NOL4L: variants seen among roughly 807,000 people sequenced by gnomAD.
NOL4L encodes nucleolar protein 4-like.
A neutral mutation model predicts 64.5 loss-of-function variants in NOL4L; 7 were observed. That is an observed-to-expected ratio of 0.11 (90% CI 0.06 to 0.20). The LOEUF is 0.20. Ranked by LOEUF, NOL4L falls within the 10% of genes least tolerant of loss-of-function variation. The probability of loss-of-function intolerance (pLI) is 1.00; values close to 1 mark genes in which losing one functional copy is unlikely to be tolerated. For synonymous variants in NOL4L, 413 were observed against 401.0 expected (o/e 1.03, Z -0.36); for missense variants, 680 against 967.1 (o/e 0.70, Z 3.94).
intron 5 of NOL4L, among the ~76,000 whole-genome samples, chr20:32,472,072 C>A (rs755357893): frequency 1.3e-5 from 2 of 152,160 alleles, no homozygotes; most frequent in South Asian, 2.1e-4. Context: ...ACACTCCCGG[C>A]GAAAAGAAAA....
At chr20:32,475,503 G>A (rs1029093001) in intron 4 of NOL4L, among the ~76,000 whole-genome samples, 10 of 152,334 alleles carry the variant, frequency 6.6e-5, no homozygotes, top group African/African-American at 1.9e-4. Flanking sequence ...CCTCGCTGCC[G>A]GCTTCGGGCC....
At chr20:32,483,730 G>T in intron 4 of NOL4L, 1 of 133,722 alleles carries the variant, frequency 7.5e-6, no homozygotes. Context: ...AGGTGGCGGA[G>T]GGGCGGGTGA....
rs2018512274 is a variant in NOL4L at position 32,536,077 on chromosome 20, AG to A, written c.322-8165del. 4 of 985,546 alleles carry A rather than the reference AG, an allele frequency of 4.1e-6. No homozygotes were observed. The South Asian group carries it at 1.9e-4, about 46-fold the overall frequency. The allele number at this position is 985,546 out of a possible 1,614,324, so 61.1% of individuals were successfully genotyped here. ...TTCCCCCTGTGTGAGCAGACACCAT[AG>A]GCATAATGGCTTTCGCCACCTCATA... On this transcript the variant is annotated intron_variant, in intron 1 of 10. Transcript: ENST00000621426.
chr20:32,538,999 A>G, intron 1 of NOL4L, among the ~76,000 whole-genome samples: 1 of 124,594 alleles, frequency 8.0e-6, no homozygotes. Flanking sequence ...GAAGGACCAG[A>G]GCCCAGTGCC....
rs1360260001 is a variant in NOL4L at position 32,584,571 on chromosome 20, G to A, written c.320C>T (p.Ser107Leu). Residue 107 changes from serine (S) to leucine (L), a missense_variant and splice_region_variant, in exon 1 of 11, where the codon TCG becomes TTG. Ser to Leu is a moderately radical substitution (Grantham distance 145). This residue lies in a region of NOL4L where 181 missense variants were observed against 335.2 expected (regional missense o/e 0.54). Coordinates refer to ENST00000621426, the MANE Select transcript of NOL4L (RefSeq NM_001256798.2). ...QVVYVPVKTG[S>L]GADGLSEPEG... The stretch of plus-strand genomic sequence containing the variant: ...CGCGGCCGCCGCGCGCGCACTCACC[G>A]AGCCCGTCTTGACCGGCACATACAC... The A allele has an allele frequency of 1.4e-5, 16 of 1,137,492 alleles. No homozygotes were observed. The highest frequency in any genetic ancestry group is 1.0e-4 in the East Asian group (1 of 9,890). The allele number at this position is 1,137,492 out of a possible 1,614,324, so 70.5% of individuals were successfully genotyped here. A position where few individuals can be genotyped will look rare whatever the true frequency, so the allele number is the denominator to read the frequency against.
At chr20:32,458,946 G>C (rs1037061554) in intron 5 of NOL4L, among the ~76,000 whole-genome samples, 2 of 152,246 alleles carry the variant, frequency 1.3e-5, no homozygotes, top group African/African-American at 4.8e-5. Flanking sequence ...GCCTCTACCA[G>C]GTCAGATGCC....
In NOL4L at chr20:32,453,078, CA is replaced by C; in HGVS notation, c.1498-73del. ...CTGGGCTTGTGCAGAGACCCTGCCC[CA>C]GGGGTGGGTGGCACAGGGTGGGGTT... On this transcript the variant is annotated intron_variant, in intron 8 of 10. Transcript: ENST00000621426. This position sits in a 1 kb window ranked among gnomAD's most constrained non-coding sequence, Gnocchi z 5.6. 6.3e-7 allele frequency: 1 copy of C among 1,591,878 alleles called. No individual in the cohort carries two copies. The highest frequency in any genetic ancestry group is 8.5e-7 in the Non-Finnish European group (1 of 1,170,752).
At chr20:32,518,641 G>A (rs988446411) in intron 3 of NOL4L, among the ~76,000 whole-genome samples, 1 of 152,224 alleles carries the variant, frequency 6.6e-6, no homozygotes. Flanking sequence ...CTCCAGGCAA[G>A]CAATTCTGTG....
rs1160495632 is a variant in NOL4L at position 32,584,930 on chromosome 20, G to C, written c.-40C>G. On this transcript the variant is annotated 5_prime_UTR_variant, in exon 1 of 11. Coordinates refer to ENST00000621426, the MANE Select transcript of NOL4L (RefSeq NM_001256798.2). ...CGGCGCCCTCGGGGGCGGGCCGGCCGCCGGGCCGCCCGGTGCCGGGACTGG... is the reference window on the plus strand; with the variant it reads ...CGGCGCCCTCGGGGGCGGGCCGGCCCCCGGGCCGCCCGGTGCCGGGACTGG... 9.0e-7 allele frequency: 1 copy of C among 1,114,748 alleles called. No individual in the cohort carries two copies. Among genetic ancestry groups the C allele is most frequent in the East Asian group, 4.7e-5 (1 of 21,162 alleles). 69.1% of individuals were successfully genotyped at this position (1,114,748 alleles called of 1,614,324 possible). A position where few individuals can be genotyped will look rare whatever the true frequency, so the allele number is the denominator to read the frequency against.
chr20:32,528,715 T>C (rs958980170), intron 1 of NOL4L, among the ~76,000 whole-genome samples: 2 of 151,786 alleles, frequency 1.3e-5, no homozygotes, highest in Non-Finnish European at 2.9e-5. Context: ...AGGCTGGGGG[T>C]GAGGCCAGGG....
chr20:32,563,131 A>G (rs1600878249), intron 1 of NOL4L, among the ~76,000 whole-genome samples: 1 of 13,200 alleles, frequency 7.6e-5, no homozygotes, highest in Admixed American at 8.3e-4. Context: ...GAGGGCAGGG[A>G]GGCTGGAGGG....
At chr20:32,455,845 T>C (rs1257576433) in intron 6 of NOL4L, among the ~76,000 whole-genome samples, 1 of 152,134 alleles carries the variant, frequency 6.6e-6, no homozygotes, top group Admixed American at 6.5e-5. Context: ...GTTGTGGGGA[T>C]GCATATCCAC....
At chr20:32,519,811 T>A (rs563279819) in intron 3 of NOL4L, 3 of 152,426 alleles carry the variant, frequency 2.0e-5, no homozygotes, top group African/African-American at 7.2e-5. Context: ...CTGGGCATTT[T>A]ATTTTATTGT....
intron 4 of NOL4L, among the ~76,000 whole-genome samples, chr20:32,494,250 CG>C (rs57081206): frequency 0.38 from 32,858 of 87,508 alleles, 7,567 homozygotes; most frequent in East Asian, 0.84. Flanking sequence ...GAGATAATCT[CG>C]GGAAAAAAAA....
chr20:32,505,413 T>C (rs540977499), intron 4 of NOL4L, among the ~76,000 whole-genome samples: 30 of 152,238 alleles, frequency 2.0e-4, no homozygotes, highest in African/African-American at 6.3e-4. Flanking sequence ...TACAATGAAA[T>C]ATTATTGTCA....
intron 10 of NOL4L, among the ~76,000 whole-genome samples, chr20:32,450,821 CCTAGG>C (rs1255305267): frequency 1.3e-5 from 2 of 152,202 alleles, no homozygotes; most frequent in East Asian, 3.8e-4. Context: ...AAGGAGCCCG[CCTAGG>C]ACAGCCACTC....
chr20:32,525,919 A>G (rs1725045929), intron 2 of NOL4L, among the ~76,000 whole-genome samples: 1 of 151,930 alleles, frequency 6.6e-6, no homozygotes, highest in Admixed American at 6.6e-5. Context: ...CACCATGCCC[A>G]GCTAATTTTT....
At chr20:32,487,820 A>G (rs2016154599) in intron 4 of NOL4L, among the ~76,000 whole-genome samples, 1 of 152,170 alleles carries the variant, frequency 6.6e-6, no homozygotes. Flanking sequence ...AGATGGAACT[A>G]GTTCAAATTC....
At chr20:32,486,902 C>T (rs183113717) in intron 4 of NOL4L, 2 of 410,882 alleles carry the variant, frequency 4.9e-6, no homozygotes, top group Admixed American at 6.4e-5. Flanking sequence ...GAAAGAGAAA[C>T]TCCACAACAC....
Sources: allele counts gnomAD v4.1 joint callset (sites outside exome capture counted in the v4.1 genomes callset), GRCh38; gene constraint gnomAD v4.1.1; regional missense constraint gnomAD v4.1.1; non-coding constraint Gnocchi (gnomAD v3.1); transcripts MANE v1.5; gene names NCBI Gene and HGNC (gene_info 2026-07-23, HGNC 2026-07-21).